AIM2: variants seen among roughly 807,000 people sequenced by gnomAD.
AIM2 encodes absent in melanoma 2, also known as interferon-inducible protein AIM2.
Under a neutral mutation model 27.7 loss-of-function variants are expected in AIM2, and 30 were observed. The observed-to-expected ratio is 1.08, with a 90% CI of 0.81 to 1.47. AIM2 has a LOEUF of 1.47. Ranked by LOEUF, AIM2 falls within the 40% of genes most tolerant of loss-of-function variation. The pLI is 0.00. For synonymous variants in AIM2, 141 were observed against 145.3 expected (o/e 0.97, Z 0.21); for missense variants, 358 against 411.3 (o/e 0.87, Z 1.12).
intron 1 of AIM2, among the ~76,000 whole-genome samples, chr1:159,074,160 C>T (rs1656493931): frequency 6.6e-6 from 1 of 152,174 alleles, no homozygotes; most frequent in African/African-American, 2.4e-5. Flanking sequence ...AGTATACAAT[C>T]TGATAAATTT....
At chr1:159,135,181 A>G (rs1312052128) in intron 1 of AIM2, among the ~76,000 whole-genome samples, 1 of 152,244 alleles carries the variant, frequency 6.6e-6, no homozygotes, top group African/African-American at 2.4e-5. Context: ...TTGTTGAGTG[A>G]GTAAATGAAT....
At chr1:159,101,176 G>A (rs1163761749) in intron 1 of AIM2, among the ~76,000 whole-genome samples, 2 of 152,078 alleles carry the variant, frequency 1.3e-5, no homozygotes, top group African/African-American at 4.8e-5. Flanking sequence ...GGATCATGGG[G>A]CTGTTGGGGG....
At chr1:159,132,775 A>G (rs1341698931) in intron 1 of AIM2, among the ~76,000 whole-genome samples, 1 of 152,188 alleles carries the variant, frequency 6.6e-6, no homozygotes, top group African/African-American at 2.4e-5. Context: ...TGTTTATAAG[A>G]GGCAGTCCAG....
At chr1:159,102,563 G>A (rs1657340347) in intron 1 of AIM2, among the ~76,000 whole-genome samples, 1 of 152,220 alleles carries the variant, frequency 6.6e-6, no homozygotes. Flanking sequence ...AAAGCACCCG[G>A]CGGGGGAGCT....
chr1:159,145,173 C>CT, upstream of AIM2, among the ~76,000 whole-genome samples: 1 of 152,246 alleles, frequency 6.6e-6, no homozygotes, highest in South Asian at 2.1e-4. Context: ...AATGTCAGGC[C>CT]TATAGAGTGA....
At chr1:159,081,571 G>A (rs898065092), upstream of AIM2, 5 of 482,900 alleles carry the variant, frequency 1.0e-5, no homozygotes, top group Non-Finnish European at 2.1e-5. Flanking sequence ...CTTGAGTATT[G>A]ATTTTGCAGT....
At chr1:159,118,921 T>C (rs1647456608) in intron 1 of AIM2, among the ~76,000 whole-genome samples, 1 of 152,156 alleles carries the variant, frequency 6.6e-6, no homozygotes. Context: ...CAATCCGGAA[T>C]CTTAGTTGCA....
upstream of AIM2, among the ~76,000 whole-genome samples, chr1:159,079,624 C>G (rs957531183): frequency 1.3e-5 from 2 of 152,020 alleles, no homozygotes; most frequent in Admixed American, 6.6e-5. Context: ...TTCCATATAC[C>G]CTTTTCCCTC....
At chr1:159,144,326 A>G (rs1648166474), upstream of AIM2, among the ~76,000 whole-genome samples, 1 of 152,156 alleles carries the variant, frequency 6.6e-6, no homozygotes, top group Non-Finnish European at 1.5e-5. Flanking sequence ...TATCAACAAA[A>G]GTACTCTGGA....
At chr1:159,076,806 A>AC (rs1350764998), upstream of AIM2, 5 of 151,716 alleles carry the variant, frequency 3.3e-5, no homozygotes, top group African/African-American at 1.2e-4. Flanking sequence ...ACTTCCCTTC[A>AC]CCCCCAGGCC....
intron 1 of AIM2, among the ~76,000 whole-genome samples, chr1:159,105,237 G>A (rs930114628): frequency 3.3e-5 from 5 of 152,240 alleles, no homozygotes; most frequent in Admixed American, 6.5e-5. Flanking sequence ...GTGAGGCTAC[G>A]ACTGGACCAG....
chr1:159,066,123 G>T lies in AIM2; in HGVS notation c.603C>A (p.Phe201Leu). The T allele has an allele frequency of 1.2e-6, 2 of 1,614,148 alleles. No homozygotes were observed. Among genetic ancestry groups the T allele is most frequent in the Non-Finnish European group, 1.7e-6 (2 of 1,180,000 alleles). The stretch of plus-strand genomic sequence containing the variant: ...CTATTATAATTATTCTCTTTGGAAT[G>T]AATTTATCTTTCAGCAGTGTATTAA... ...KVFNTLLKDKFIPKRIIIIAR... is the reference protein window; with the variant it reads ...KVFNTLLKDKLIPKRIIIIAR... Residue 201 changes from phenylalanine to leucine, a missense_variant, in exon 4 of 6, where the codon TTC becomes TTA. By Grantham distance (22) the Phe-to-Leu change is conservative. Coordinates refer to ENST00000368130, the MANE Select transcript of AIM2 (RefSeq NM_004833.3).
At chr1:159,116,924 A>G (rs1182034602) in intron 1 of AIM2, among the ~76,000 whole-genome samples, 2 of 152,174 alleles carry the variant, frequency 1.3e-5, no homozygotes, top group Non-Finnish European at 2.9e-5. Flanking sequence ...AAAATTCAAG[A>G]AGGAAAAGGT....
intron 1 of AIM2, among the ~76,000 whole-genome samples, chr1:159,122,775 C>T (rs1647574048): frequency 6.6e-6 from 1 of 152,160 alleles, no homozygotes; most frequent in Non-Finnish European, 1.5e-5. Flanking sequence ...CTAATGTGTT[C>T]TCTTGATAGG....
chr1:159,062,773 C>T (rs1655888459), intron 5 of AIM2, 55 bp from the exon 6 acceptor site: 1 of 1,534,384 alleles, frequency 6.5e-7, no homozygotes, highest in African/African-American at 1.4e-5. Context: ...GTGGCCCCTC[C>T]ACTGTTTGCA....
intron 1 of AIM2, among the ~76,000 whole-genome samples, chr1:159,101,414 G>A (rs372518537): frequency 1.3e-5 from 2 of 152,028 alleles, no homozygotes; most frequent in African/African-American, 2.4e-5. Flanking sequence ...ACCCAGTCTC[G>A]AGTATTTCTT....
intron 1 of AIM2, among the ~76,000 whole-genome samples, chr1:159,087,177 C>T (rs572197592): frequency 6.6e-6 from 1 of 152,300 alleles, no homozygotes; most frequent in East Asian, 1.9e-4. Context: ...CACAACTCTC[C>T]CACTGACCTA....
chr1:159,093,407 T>C (rs1657092595), intron 1 of AIM2, among the ~76,000 whole-genome samples: 1 of 152,188 alleles, frequency 6.6e-6, no homozygotes, highest in East Asian at 1.9e-4. Context: ...TCACTGCTGG[T>C]AGCATAGGGA....
At chr1:159,063,952 G>T (rs1393091799) in intron 4 of AIM2, among the ~76,000 whole-genome samples, 1 of 152,138 alleles carries the variant, frequency 6.6e-6, no homozygotes, top group African/African-American at 2.4e-5. Context: ...TTAATGAATA[G>T]TTAGTATATT....
Sources: gnomAD v4.1 joint callset for allele counts (sites outside exome capture counted in the v4.1 genomes callset) on GRCh38, gnomAD v4.1.1 for gene constraint, MANE v1.5 for transcripts, NCBI Gene and HGNC (gene_info 2026-07-23, HGNC 2026-07-21) for gene names.